The following PPP2R2B variants were observed in gnomAD, a reference collection of about 807,000 sequenced individuals.
PPP2R2B encodes the protein serine/threonine-protein phosphatase 2A 55 kDa regulatory subunit B beta isoform.
PPP2R2B carries 5 observed loss-of-function variants against 46.0 expected under a neutral mutation model. The observed-to-expected ratio is 0.11, with a 90% CI of 0.06 to 0.23. The LOEUF is 0.23. Among genes scored for constraint, PPP2R2B ranks in the 10% least tolerant of loss-of-function variants. The pLI, the probability that PPP2R2B is intolerant of heterozygous loss-of-function variation, is 1.00. For synonymous variants in PPP2R2B, 215 were observed against 206.7 expected (o/e 1.04, Z -0.34); for missense variants, 367 against 575.0 (o/e 0.64, Z 3.70).
chr5:146,712,755 A>T (rs141924598), intron 2 of PPP2R2B, among the ~76,000 whole-genome samples: 4,788 of 152,198 alleles, frequency 0.031, 100 homozygotes, highest in Non-Finnish European at 0.049. Flanking sequence ...TGGGTTGAAG[A>T]GCATGATCAT....
intron 1 of PPP2R2B, among the ~76,000 whole-genome samples, chr5:146,977,213 G>T (rs1006371650): frequency 6.6e-6 from 1 of 151,992 alleles, no homozygotes; most frequent in Non-Finnish European, 1.5e-5. Context: ...TATTGTAATA[G>T]CCTTTACTTT....
At chr5:147,021,866 T>C (rs1280931943) in intron 1 of PPP2R2B, among the ~76,000 whole-genome samples, 1 of 152,100 alleles carries the variant, frequency 6.6e-6, no homozygotes, top group East Asian at 1.9e-4. Context: ...ACTCTAAAAA[T>C]GATAAGGATG....
chr5:146,602,841 G>A (rs112736939), intron 7 of PPP2R2B, among the ~76,000 whole-genome samples: 5,050 of 152,174 alleles, frequency 0.033, 115 homozygotes, highest in African/African-American at 0.065. Flanking sequence ...TTTGGGCTTC[G>A]GCTGAGTATT....
chr5:146,710,680 T>G (rs1193922338), intron 2 of PPP2R2B, among the ~76,000 whole-genome samples: 1 of 152,270 alleles, frequency 6.6e-6, no homozygotes, highest in East Asian at 1.9e-4. Flanking sequence ...AGTAATTAAC[T>G]GCTCAGGCAA....
Position 146,727,428 on chromosome 5 carries a change from A to G in PPP2R2B, c.71-26286T>C, listed in dbSNP as rs956655685. Among the ~76,000 whole-genome samples the G allele has an allele frequency of 2.0e-5, 3 of 152,192 alleles. No individual in the cohort carries two copies. The South Asian group carries it at 6.2e-4, about 32-fold the overall frequency. On this transcript the variant is annotated intron_variant, in intron 2 of 9. Transcript: ENST00000394411. ...GATGGATTAAATAAAGCTAATTAACATAACTATCACCTCATATTTATCACT... is the reference window on the plus strand; with the variant it reads ...GATGGATTAAATAAAGCTAATTAACGTAACTATCACCTCATATTTATCACT...
intron 1 of PPP2R2B, among the ~76,000 whole-genome samples, chr5:146,926,182 A>C (rs1425271491): frequency 6.6e-6 from 1 of 152,036 alleles, no homozygotes; most frequent in Non-Finnish European, 1.5e-5. Flanking sequence ...TATGGGTAAC[A>C]CTTTTTTTTC....
upstream of PPP2R2B, among the ~76,000 whole-genome samples, chr5:147,058,345 A>C (rs1333310009): frequency 6.6e-6 from 1 of 152,216 alleles, no homozygotes; most frequent in Non-Finnish European, 1.5e-5. Flanking sequence ...CTTCAACTTT[A>C]ATTGTGTATT....
intron 2 of PPP2R2B, among the ~76,000 whole-genome samples, chr5:146,839,036 A>G (rs145905762): frequency 1.4e-4 from 22 of 152,264 alleles, no homozygotes; most frequent in African/African-American, 3.9e-4. Flanking sequence ...TCGTCCACAT[A>G]CTGATTTCCA....
chr5:146,906,936 TAAG>T (rs1190630788), intron 1 of PPP2R2B, among the ~76,000 whole-genome samples: 1 of 152,160 alleles, frequency 6.6e-6, no homozygotes, highest in Non-Finnish European at 1.5e-5. Flanking sequence ...AATCTACTTC[TAAG>T]AAGACCAGCC....
chr5:146,676,977 A>T (rs1777769810), intron 5 of PPP2R2B, among the ~76,000 whole-genome samples: 1 of 152,174 alleles, frequency 6.6e-6, no homozygotes, highest in Non-Finnish European at 1.5e-5. Context: ...AGGAATAATG[A>T]TAACCAAGTG....
chr5:146,781,314 C>T (rs1004517075), intron 2 of PPP2R2B, among the ~76,000 whole-genome samples: 1 of 151,084 alleles, frequency 6.6e-6, no homozygotes, highest in East Asian at 1.9e-4. Flanking sequence ...ACTACATTAT[C>T]CTGCCTCTCT....
chr5:146,733,585 A>G (rs1003055295), intron 2 of PPP2R2B, among the ~76,000 whole-genome samples: 2 of 152,212 alleles, frequency 1.3e-5, no homozygotes, highest in Admixed American at 6.5e-5. Context: ...CTGAATTCCC[A>G]TATTAAAGTT....
chr5:146,702,753 A>G (rs971039304), intron 2 of PPP2R2B, among the ~76,000 whole-genome samples: 1 of 152,262 alleles, frequency 6.6e-6, no homozygotes, highest in Non-Finnish European at 1.5e-5. Flanking sequence ...TTATCAGTTT[A>G]TGACTTCTAA....
intron 5 of PPP2R2B, chr5:146,656,408 G>A (rs905744651): frequency 6.5e-6 from 1 of 153,386 alleles, no homozygotes; most frequent in African/African-American, 2.4e-5. Context: ...GTAAGAAATG[G>A]GGTCTTGCTA....
intron 2 of PPP2R2B, among the ~76,000 whole-genome samples, chr5:146,873,730 C>A (rs973954940): frequency 6.6e-6 from 1 of 152,180 alleles, no homozygotes; most frequent in African/African-American, 2.4e-5. Flanking sequence ...CCTGCCTCAG[C>A]CTCCTGAGTA....
intron 5 of PPP2R2B, among the ~76,000 whole-genome samples, chr5:146,667,666 G>A (rs528776883): frequency 6.6e-6 from 1 of 151,986 alleles, no homozygotes; most frequent in Non-Finnish European, 1.5e-5. Context: ...ACAGGGACTT[G>A]GCAAGCTGTT....
chr5:146,723,258 T>A (rs1212386596), intron 2 of PPP2R2B, among the ~76,000 whole-genome samples: 1 of 152,150 alleles, frequency 6.6e-6, no homozygotes, highest in Non-Finnish European at 1.5e-5. Context: ...CCTCATAACA[T>A]CCTCTTTGTT....
intron 2 of PPP2R2B, among the ~76,000 whole-genome samples, chr5:147,073,096 C>T (rs1757652969): frequency 6.6e-6 from 1 of 152,174 alleles, no homozygotes; most frequent in Admixed American, 6.5e-5. Context: ...CCATGACTGG[C>T]CTCATCGTCC....
At chr5:146,873,733 C>G (rs12717949) in intron 2 of PPP2R2B, among the ~76,000 whole-genome samples, 35,646 of 152,042 alleles carry the variant, frequency 0.23, 4,249 homozygotes, top group East Asian at 0.35. Flanking sequence ...GCCTCAGCCT[C>G]CTGAGTAGCT....
Sources: gnomAD v4.1 joint callset for allele counts (sites outside exome capture counted in the v4.1 genomes callset) on GRCh38, gnomAD v4.1.1 for gene constraint, MANE v1.5 for transcripts, NCBI Gene and HGNC (gene_info 2026-07-23, HGNC 2026-07-21) for gene names.